Variants in GGT7 observed in about 807,000 individuals in gnomAD.
GGT7 encodes the protein glutathione hydrolase 7.
Under a neutral mutation model 69.2 loss-of-function variants are expected in GGT7, and 30 were observed. The observed-to-expected ratio is 0.43, with a 90% CI of 0.32 to 0.59. GGT7 has a LOEUF of 0.59. Ranked by LOEUF, GGT7 falls within the 20% of genes least tolerant of loss-of-function variation. GGT7 has a pLI of 0.05. For synonymous variants in GGT7, 388 were observed against 391.8 expected, an observed-to-expected ratio of 0.99 and a Z score of 0.12; for missense variants, 733 against 901.1, an observed-to-expected ratio of 0.81 and a Z score of 2.39.
intron 1 of GGT7, among the ~76,000 whole-genome samples, chr20:34,867,582 G>A (rs913605198): frequency 6.6e-6 from 1 of 152,086 alleles, no homozygotes; most frequent in Admixed American, 6.6e-5. Context: ...CAGGAATGGT[G>A]GTGTGCACCT....
intron 1 of GGT7, among the ~76,000 whole-genome samples, chr20:34,864,148 T>C (rs1311986372): frequency 6.6e-6 from 1 of 151,690 alleles, no homozygotes; most frequent in Non-Finnish European, 1.5e-5. Flanking sequence ...AAGGAGGAAA[T>C]GACAGAATAA....
At chr20:34,849,532 G>A (rs6060082) in intron 14 of GGT7, among the ~76,000 whole-genome samples, 4 of 152,026 alleles carry the variant, frequency 2.6e-5, no homozygotes, top group Admixed American at 6.6e-5. Flanking sequence ...CATTGAGTCC[G>A]TCCTATTATA....
chr20:34,863,833 T>C lies in GGT7; in HGVS notation c.170-285A>G. On this transcript the variant is annotated intron_variant, in intron 1 of 14. Transcript: ENST00000336431. The surrounding 1 kb of genome is among the most constrained non-coding windows in gnomAD (Gnocchi z 4.4). ...TTTCCTGGCACCCAGGGCCCAGGGC[T>C]GAGAACACTTCCTGGGGGGTGGGGT... is the stretch of plus-strand genomic sequence containing the variant. 1 of 635,746 alleles carries C rather than the reference T, an allele frequency of 1.6e-6. No individual in the cohort carries two copies. 39.4% of individuals were successfully genotyped at this position (635,746 alleles called of 1,614,324 possible).
intron 14 of GGT7, among the ~76,000 whole-genome samples, chr20:34,849,269 TCTC>T (rs751166266): frequency 2.7e-5 from 4 of 150,462 alleles, no homozygotes; most frequent in Non-Finnish European, 5.9e-5. Flanking sequence ...TTCAAGCAAT[TCTC>T]CTGCCTCAGC....
At chr20:34,867,629 T>A (rs910363995) in intron 1 of GGT7, among the ~76,000 whole-genome samples, 1 of 152,104 alleles carries the variant, frequency 6.6e-6, no homozygotes, top group Non-Finnish European at 1.5e-5. Context: ...GGTAAGAGCA[T>A]CACTTCAGCC....
In GGT7 at chr20:34,859,974, T is replaced by C; in HGVS notation, c.812A>G (p.Asp271Gly). 3.2e-6 allele frequency: 5 copies of C among 1,556,348 alleles called. No individual in the cohort carries two copies. Among genetic ancestry groups the C allele is most frequent in the Non-Finnish European group, 4.4e-6 (5 of 1,147,104 alleles). Reference protein sequence around the residue: ...VAQDGFNVTHDLARALAEQLP... With the variant: ...VAQDGFNVTHGLARALAEQLP... ...AATCCCCAGGCCCCACTGACCTAGATCATGAGTCACGTTGAAGCCATCTTG... is the reference window on the plus strand; with the variant it reads ...AATCCCCAGGCCCCACTGACCTAGACCATGAGTCACGTTGAAGCCATCTTG... The change falls in exon 6 of 15, where the codon GAT (aspartate) becomes GGT (glycine). Residue 271 changes from aspartate (D) to glycine (G), a missense_variant. Coordinates refer to ENST00000336431, the MANE Select transcript of GGT7 (RefSeq NM_178026.3).
intron 14 of GGT7, among the ~76,000 whole-genome samples, chr20:34,847,079 C>G (rs1271866449): frequency 6.6e-6 from 1 of 152,148 alleles, no homozygotes. Context: ...TTACTGCTAC[C>G]TGTATTTGTT....
At chr20:34,854,744 C>T in intron 9 of GGT7, 52 bp downstream of exon 9, 1 of 1,611,074 alleles carries the variant, frequency 6.2e-7, no homozygotes, top group East Asian at 2.2e-5. Context: ...TACCCAATCT[C>T]CCCACTCCTA....
chr20:34,851,405 G>A (rs1231139235), intron 12 of GGT7, 37 bp from the exon 13 acceptor site: 1 of 1,583,360 alleles, frequency 6.3e-7, no homozygotes, highest in Admixed American at 1.8e-5. Flanking sequence ...GGGGCAGGTG[G>A]GGTGGGACAA....
chr20:34,861,395 G>A lies in GGT7; in HGVS notation c.675+50C>T, dbSNP rs201209829. On this transcript the variant is annotated intron_variant, in intron 4 of 14. Coordinates refer to ENST00000336431, the MANE Select transcript of GGT7 (RefSeq NM_178026.3). ...AATTAATGCTTGGGTTAGCAGAAGG[G>A]CAATGAAGAGAGACTCCCCTGAACT... 1.0e-3 allele frequency: 881 copies of A among 846,268 alleles called. 1 individual carries two copies. The highest frequency in any genetic ancestry group is 1.4e-3 in the Non-Finnish European group (729 of 539,506). The allele number at this position is 846,268 out of a possible 1,614,324, so 52.4% of individuals were successfully genotyped here. A position where few individuals can be genotyped will look rare whatever the true frequency, so the allele number is the denominator to read the frequency against.
rs2079280253 is a variant in GGT7 at position 34,845,130 on chromosome 20, C to CCACCAT, written c.*197_*198insATGGTG. 2.2e-6 allele frequency: 1 copy of CCACCAT among 445,666 alleles called. No individual in the cohort carries two copies. The highest frequency in any genetic ancestry group is 2.2e-5 in the South Asian group (1 of 44,792). The allele number at this position is 445,666 out of a possible 1,614,324, so 27.6% of individuals were successfully genotyped here. On this transcript the variant is annotated 3_prime_UTR_variant, in exon 15 of 15. Transcript: ENST00000336431. Reference sequence around the variant, plus strand: ...CTGACACTCACCACCACCACCACCACCACCACCACCACCACCACCACCACA... The same window carrying CCACCAT: ...CTGACACTCACCACCACCACCACCACCACCATCACCACCACCACCACCACCACCACA...
At chr20:34,868,601 C>T (rs2079730971) in intron 1 of GGT7, among the ~76,000 whole-genome samples, 1 of 152,124 alleles carries the variant, frequency 6.6e-6, no homozygotes, top group African/African-American at 2.4e-5. Context: ...AAGGAACATT[C>T]TCTCTCCTCT....
chr20:34,869,846 TGAGGCACTTGCA>T (rs1291371900), intron 1 of GGT7, among the ~76,000 whole-genome samples: 1 of 152,118 alleles, frequency 6.6e-6, no homozygotes, highest in Non-Finnish European at 1.5e-5. Flanking sequence ...ATGCTATAGA[TGAGGCACTTGCA>T]GGACATCTGG....
At chr20:34,847,240 T>C (rs910732182) in intron 14 of GGT7, among the ~76,000 whole-genome samples, 2 of 152,158 alleles carry the variant, frequency 1.3e-5, no homozygotes, top group African/African-American at 2.4e-5. Flanking sequence ...CCCCATCCCA[T>C]TGGATAAGTT....
intron 1 of GGT7, among the ~76,000 whole-genome samples, chr20:34,871,711 G>C (rs546290440): frequency 4.9e-4 from 74 of 152,356 alleles, no homozygotes; most frequent in Non-Finnish European, 9.7e-4. Context: ...AAGAGACAAG[G>C]CTCAAGTGCA....
chr20:34,845,247 CCT>C lies in GGT7; in HGVS notation c.*79_*80del, dbSNP rs560541041. The C allele has an allele frequency of 6.5e-4, 909 of 1,393,534 alleles. 16 individuals carry two copies. The South Asian group carries it at 0.012, about 18-fold the overall frequency. 86.3% of individuals were successfully genotyped at this position (1,393,534 alleles called of 1,614,324 possible). ...TGATCTGGGGCATCCCTGGGGTCCC[CCT>C]GAGACCAAACCTGGGAGAAGGAGGG... is the stretch of plus-strand genomic sequence containing the variant. On this transcript the variant is annotated 3_prime_UTR_variant, in exon 15 of 15. Transcript: ENST00000336431.
At chr20:34,849,288 G>A (rs117755215) in intron 14 of GGT7, among the ~76,000 whole-genome samples, 8,779 of 149,740 alleles carry the variant, frequency 0.059, 290 homozygotes, top group Non-Finnish European at 0.064. Context: ...TCAGCCTCCC[G>A]AGTAGCTAGA....
At chr20:34,859,829 G>T in intron 6 of GGT7, 140 bp downstream of exon 6, 2 of 786,908 alleles carry the variant, frequency 2.5e-6, no homozygotes, top group African/African-American at 1.7e-5. Flanking sequence ...CCGCCTCCAG[G>T]TGAGGGTGGG....
Position 34,863,411 on chromosome 20 carries a change from G to A in GGT7, c.307C>T (p.Arg103Cys). ...ACGATGACCGTGAGCCCATCCTGGC[G>A]GCAGGAGCACTCGGCCGCTGCGGCG... The part of the protein sequence containing the change: ...FSAAAAECSC[R>C]QDGLTVIVTA... The change falls in exon 2 of 15, where the codon CGC becomes TGC. Residue 103 changes from arginine (R) to cysteine (C), a missense_variant. By Grantham distance (180) the Arg-to-Cys change is radical. Transcript: ENST00000336431. This position sits in a 1 kb window ranked among gnomAD's most constrained non-coding sequence, Gnocchi z 4.4. The A allele has an allele frequency of 6.2e-7, 1 of 1,613,868 alleles. No homozygotes were observed. Among genetic ancestry groups the A allele is most frequent in the South Asian group, 1.1e-5 (1 of 91,076 alleles).
Sources: allele counts gnomAD v4.1 joint callset (sites outside exome capture counted in the v4.1 genomes callset), GRCh38; gene constraint gnomAD v4.1.1; non-coding constraint Gnocchi (gnomAD v3.1); transcripts MANE v1.5; gene names NCBI Gene and HGNC (gene_info 2026-07-23, HGNC 2026-07-21).